Variants in CEP128 observed in about 807,000 individuals in gnomAD.
CEP128 encodes the protein centrosomal protein 128, also known as centrosomal protein 128kDa.
In CEP128, 132 loss-of-function variants were observed where a neutral mutation model predicts 156.7. The ratio of observed to expected loss-of-function variants is 0.84; its 90% CI spans 0.73 to 0.97. CEP128 has a LOEUF of 0.97. CEP128 is among the 50% of genes least tolerant of loss of function. The probability of loss-of-function intolerance (pLI) is 0.00; values close to 1 mark genes in which losing one functional copy is unlikely to be tolerated. For synonymous variants in CEP128, 469 were observed against 448.9 expected (o/e 1.04, Z -0.57); for missense variants, 1,252 against 1,281.9 (o/e 0.98, Z 0.36).
chr14:80,860,628 A>G (rs964504626), intron 9 of CEP128, among the ~76,000 whole-genome samples: 3 of 152,242 alleles, frequency 2.0e-5, no homozygotes, highest in Non-Finnish European at 4.4e-5. Flanking sequence ...AGGTTAAAAA[A>G]AAAAAGCTTA....
chr14:80,828,231 T>C (rs1325564719), intron 13 of CEP128, among the ~76,000 whole-genome samples: 1 of 150,802 alleles, frequency 6.6e-6, no homozygotes, highest in Non-Finnish European at 1.5e-5. Context: ...CAAGCAATTC[T>C]CCTGCCTCAG....
intron 9 of CEP128, among the ~76,000 whole-genome samples, chr14:80,860,607 T>C (rs957117668): frequency 2.0e-5 from 3 of 151,906 alleles, no homozygotes; most frequent in African/African-American, 7.2e-5. Context: ...AGAACAAATG[T>C]ATAAAAATCA....
At position 80,906,055 on chromosome 14, in the gene CEP128, G is replaced by C. The variant is rs145468180; in HGVS notation, c.261C>G (p.Ile87Met). 1.2e-5 allele frequency: 19 copies of C among 1,604,878 alleles called. No individual in the cohort carries two copies. The highest frequency in any genetic ancestry group is 1.5e-5 in the Non-Finnish European group (18 of 1,177,286). The change falls in exon 5 of 25, where the codon ATC becomes ATG. Residue 87 changes from isoleucine to methionine, a missense_variant. By Grantham distance (10) the Ile-to-Met change is conservative. Transcript: ENST00000555265. The part of the protein sequence containing the change: ...EHLKESLEQS[I>M]DQLRSQRLLR... ...ATAAACGTTGACTCCGGAGTTGGTC[G>C]ATTGATTGTTCCAAGCTTTCTTTTA...
downstream of CEP128, among the ~76,000 whole-genome samples, chr14:80,486,994 C>A (rs9743748): frequency 0.021 from 3,158 of 152,194 alleles, 45 homozygotes; most frequent in Non-Finnish European, 0.033. Context: ...CAGCTAACAT[C>A]ATAATGACAG....
chr14:80,822,444 G>A (rs745376670), intron 13 of CEP128: 1 of 494,080 alleles, frequency 2.0e-6, no homozygotes, highest in Non-Finnish European at 3.9e-6. Flanking sequence ...GTGTGAAGAA[G>A]AGGCGAGAAC....
At chr14:80,548,293 A>T (rs1161575049) in intron 21 of CEP128, among the ~76,000 whole-genome samples, 1 of 152,164 alleles carries the variant, frequency 6.6e-6, no homozygotes, top group Admixed American at 6.5e-5. Flanking sequence ...ATCATTTAAA[A>T]CTATTCATAT....
intron 12 of CEP128, 149 bp downstream of exon 12, chr14:80,836,056 A>T: frequency 1.3e-6 from 1 of 784,094 alleles, no homozygotes; most frequent in Non-Finnish European, 2.0e-6. Flanking sequence ...ATTATTATCA[A>T]CTTATCAGAA....
At chr14:80,584,159 T>TG (rs1234570887) in intron 19 of CEP128, among the ~76,000 whole-genome samples, 1 of 115,184 alleles carries the variant, frequency 8.7e-6, no homozygotes, top group Non-Finnish European at 1.8e-5. Context: ...TTTTTTTTTT[T>TG]TTTTGTTTGA....
rs148982589 is a variant in CEP128, at chr14:80,612,064, A to G, written c.2807-31641T>C. 7.7e-4 allele frequency among the ~76,000 whole-genome samples: 117 copies of G among 151,132 alleles called. No individual in the cohort carries two copies. In the Middle Eastern group the frequency reaches 0.02, roughly 26 times the overall value. ...CAGAGCGAGACTCTGTCTCAAAAAA[A>G]TAAAAAATAAATAAATAAAAACCTT... On this transcript the variant is annotated intron_variant, in intron 19 of 24. Coordinates refer to ENST00000555265, the MANE Select transcript of CEP128 (RefSeq NM_152446.5).
chr14:80,632,310 C>T (rs1893995055), intron 19 of CEP128, among the ~76,000 whole-genome samples: 1 of 150,854 alleles, frequency 6.6e-6, no homozygotes, highest in African/African-American at 2.4e-5. Flanking sequence ...TTGCTATTTA[C>T]ATTCAACATA....
At chr14:80,928,280 T>A (rs12590770) in intron 2 of CEP128, among the ~76,000 whole-genome samples, 18,746 of 152,120 alleles carry the variant, frequency 0.12, 1,619 homozygotes, top group East Asian at 0.45. Context: ...CAGCAATGGA[T>A]CCAAACCAAG....
At chr14:80,540,361 T>C (rs1010167324) in intron 21 of CEP128, among the ~76,000 whole-genome samples, 5 of 152,036 alleles carry the variant, frequency 3.3e-5, no homozygotes, top group African/African-American at 1.2e-4. Context: ...TTACGGAAAA[T>C]AGAAAGAACC....
upstream of CEP128, among the ~76,000 whole-genome samples, chr14:80,944,875 A>C (rs1886300978): frequency 7.9e-6 from 1 of 126,128 alleles, no homozygotes; most frequent in Non-Finnish European, 1.7e-5. Context: ...AACAGAACAA[A>C]ACAAAAAAAA....
intron 2 of CEP128, among the ~76,000 whole-genome samples, chr14:80,947,867 C>T (rs1028111830): frequency 1.3e-5 from 2 of 152,216 alleles, no homozygotes; most frequent in Admixed American, 6.5e-5. Context: ...CCTACCTGTT[C>T]TGCCCATAGG....
At chr14:80,491,447 G>T (rs1366431013) in intron 6 of CEP128, among the ~76,000 whole-genome samples, 1 of 152,078 alleles carries the variant, frequency 6.6e-6, no homozygotes, top group Non-Finnish European at 1.5e-5. Context: ...AAGTCCCTAG[G>T]TTTCTCCAAA....
chr14:80,866,959 T>C (rs1887795409), intron 8 of CEP128, among the ~76,000 whole-genome samples: 1 of 152,174 alleles, frequency 6.6e-6, no homozygotes, highest in Non-Finnish European at 1.5e-5. Flanking sequence ...CCATGAACAA[T>C]TTTTCCCTTC....
intron 6 of CEP128, among the ~76,000 whole-genome samples, chr14:80,902,713 A>C (rs1324026267): frequency 6.6e-6 from 1 of 152,232 alleles, no homozygotes; most frequent in East Asian, 1.9e-4. Flanking sequence ...TACTTAGTAG[A>C]AAATGGCTCT....
At chr14:80,701,157 A>C (rs1026399056) in intron 19 of CEP128, among the ~76,000 whole-genome samples, 2 of 152,150 alleles carry the variant, frequency 1.3e-5, no homozygotes, top group Non-Finnish European at 2.9e-5. Flanking sequence ...CTGATGACAA[A>C]GCCCTATCAC....
At chr14:80,922,781 T>G (rs1306182942) in intron 2 of CEP128, among the ~76,000 whole-genome samples, 1 of 152,184 alleles carries the variant, frequency 6.6e-6, no homozygotes, top group Non-Finnish European at 1.5e-5. Context: ...AATTTCAGCA[T>G]GACACATTGC....
Sources: allele counts gnomAD v4.1 joint callset (sites outside exome capture counted in the v4.1 genomes callset), GRCh38; gene constraint gnomAD v4.1.1; transcripts MANE v1.5; gene names NCBI Gene and HGNC (gene_info 2026-07-23, HGNC 2026-07-21).